Variants in CILK1 observed in about 807,000 individuals in gnomAD.
The protein encoded by CILK1 is ciliogenesis associated kinase 1, also known as serine/threonine-protein kinase ICK.
A neutral mutation model predicts 79.2 loss-of-function variants in CILK1; 47 were observed. The ratio of observed to expected loss-of-function variants is 0.59; its 90% CI spans 0.47 to 0.76. CILK1 has a LOEUF of 0.76. Ranked by LOEUF, CILK1 falls within the 30% of genes least tolerant of loss-of-function variation. The pLI is 0.00. For missense variants in CILK1, 660 were observed against 769.5 expected (o/e 0.86, Z 1.68); for synonymous variants, 266 against 275.9 (o/e 0.96, Z 0.36).
chr6:53,005,620 C>T (rs1229586097), intron 13 of CILK1, among the ~76,000 whole-genome samples: 10 of 152,130 alleles, frequency 6.6e-5, no homozygotes, highest in Admixed American at 5.9e-4. Flanking sequence ...CACGCTGGCC[C>T]AAGCTAGCAT....
chr6:53,049,604 T>C (rs1767340622), intron 1 of CILK1, among the ~76,000 whole-genome samples: 1 of 152,216 alleles, frequency 6.6e-6, no homozygotes, highest in African/African-American at 2.4e-5. Flanking sequence ...GGATTCCACT[T>C]TGCATGACAA....
chr6:53,045,830 CA>C (rs200914621), intron 1 of CILK1, among the ~76,000 whole-genome samples: 23,709 of 119,794 alleles, frequency 0.2, 2,416 homozygotes, highest in Admixed American at 0.34. Flanking sequence ...CTTGATTTGT[CA>C]AAAAAAAAAA....
chr6:53,032,287 G>A (rs1480257949), intron 4 of CILK1, among the ~76,000 whole-genome samples: 2 of 151,976 alleles, frequency 1.3e-5, no homozygotes, highest in Non-Finnish European at 2.9e-5. Context: ...AAGGATTGGA[G>A]AAAAAATCAG....
intron 3 of CILK1, among the ~76,000 whole-genome samples, chr6:53,036,836 TCTTCTCA>T (rs1353784332): frequency 6.6e-6 from 1 of 152,210 alleles, no homozygotes; most frequent in Non-Finnish European, 1.5e-5. Context: ...AGAATATCAT[TCTTCTCA>T]CTGGAAGACC....
Position 53,034,711 on chromosome 6 carries a change from G to T in CILK1, c.157-2057C>A, listed in dbSNP as rs575515960. On this transcript the variant is annotated intron_variant, in intron 3 of 13. Transcript: ENST00000676107. ...TCTTAAGAGGCAAACAACCTAATTG[G>T]AAAGTCAGGACATGGATACAAAATA... 8.5e-5 allele frequency among the ~76,000 whole-genome samples: 13 copies of T among 152,310 alleles called. No individual in the cohort carries two copies. The South Asian group carries it at 2.3e-3, about 27-fold the overall frequency.
intron 5 of CILK1, among the ~76,000 whole-genome samples, chr6:53,025,055 A>G (rs1172878071): frequency 6.6e-6 from 1 of 151,562 alleles, no homozygotes; most frequent in East Asian, 1.9e-4. Context: ...CTGGTCTCCA[A>G]CTCCTGGCCT....
chr6:53,022,723 T>C (rs1765323103), intron 5 of CILK1, among the ~76,000 whole-genome samples: 1 of 152,264 alleles, frequency 6.6e-6, no homozygotes, highest in Non-Finnish European at 1.5e-5. Flanking sequence ...GAGTTTCGCT[T>C]CTTCCATTAT....
At chr6:53,036,492 T>C (rs1004594217) in intron 3 of CILK1, among the ~76,000 whole-genome samples, 20 of 152,220 alleles carry the variant, frequency 1.3e-4, no homozygotes, top group Non-Finnish European at 2.9e-4. Context: ...CTCAGCTCAC[T>C]GCAACCTCCA....
intron 5 of CILK1, among the ~76,000 whole-genome samples, chr6:53,021,334 CG>C (rs939221768): frequency 3.1e-5 from 2 of 65,196 alleles, no homozygotes; most frequent in African/African-American, 6.2e-5. Context: ...TGGAGCGGCG[CG>C]GGGGGGTTGG....
intron 9 of CILK1, 72 bp from the exon 10 acceptor site, chr6:53,012,299 C>A: frequency 7.1e-7 from 1 of 1,418,218 alleles, no homozygotes; most frequent in East Asian, 2.3e-5. Context: ...TAATCTCCAT[C>A]TGAACTTTCT....
intron 1 of CILK1, among the ~76,000 whole-genome samples, chr6:53,053,521 T>C (rs1379731475): frequency 1.3e-5 from 2 of 152,168 alleles, no homozygotes; most frequent in Non-Finnish European, 2.9e-5. Flanking sequence ...TTATCCCTAT[T>C]TTACAGAGAA....
rs1312493523 is a variant in CILK1, at chr6:53,003,306, G to A, written c.*1843C>T. On this transcript the variant is annotated 3_prime_UTR_variant, in exon 14 of 14. Transcript: ENST00000676107. ...AGCATAAATTACTCTCCGATTTTAG[G>A]TTAGGGCCCTTTGGAAGCCATGGTT... 1.3e-5 allele frequency: 2 copies of A among 152,292 alleles called. No individual in the cohort carries two copies. The highest frequency in any genetic ancestry group is 4.8e-5 in the African/African-American group (2 of 41,416). The allele number at this position is 152,292 out of a possible 1,614,324, so 9.4% of individuals were successfully genotyped here. A position where few individuals can be genotyped will look rare whatever the true frequency, so the allele number is the denominator to read the frequency against.
At chr6:53,052,997 T>C (rs1220241303) in intron 1 of CILK1, among the ~76,000 whole-genome samples, 1 of 147,840 alleles carries the variant, frequency 6.8e-6, no homozygotes, top group East Asian at 2.0e-4. Flanking sequence ...TTTTACTGGA[T>C]GAAAAATATT....
At chr6:53,012,340 A>T in intron 9 of CILK1, 113 bp from the exon 10 acceptor site, 1 of 919,682 alleles carries the variant, frequency 1.1e-6, no homozygotes, top group Non-Finnish European at 1.7e-6. Context: ...CTGGGGCATA[A>T]CATTGCTTAT....
chr6:53,032,043 G>A (rs1005530549), intron 4 of CILK1, among the ~76,000 whole-genome samples: 2 of 152,184 alleles, frequency 1.3e-5, no homozygotes, highest in African/African-American at 4.8e-5. Flanking sequence ...ATGTTGATGA[G>A]GCTGGTCGTG....
intron 12 of CILK1, among the ~76,000 whole-genome samples, 193 bp downstream of exon 12, chr6:53,009,246 C>A (rs1764416785): frequency 6.6e-6 from 1 of 152,220 alleles, no homozygotes; most frequent in African/African-American, 2.4e-5. Context: ...AGGCAGACTC[C>A]CCTGGGAGCT....
At chr6:53,039,919 T>A (rs958735074) in intron 2 of CILK1, among the ~76,000 whole-genome samples, 1 of 152,026 alleles carries the variant, frequency 6.6e-6, no homozygotes, top group Non-Finnish European at 1.5e-5. Flanking sequence ...AAATATTACG[T>A]AAAATTGACA....
At position 53,013,996 on chromosome 6, in the gene CILK1, T is replaced by C. The variant is rs757643990; in HGVS notation, c.832-14A>G. 8 of 1,606,704 alleles carry C rather than the reference T, an allele frequency of 5.0e-6. No homozygotes were observed. In the East Asian group the frequency reaches 1.6e-4, roughly 31 times the overall value. On this transcript the variant is annotated splice_polypyrimidine_tract_variant and intron_variant, in intron 8 of 13. Transcript: ENST00000676107. ...ATATCGAAGTGCCTGGAATGACAAA[T>C]AAGGCTTTAGGAGAAAAGTCTAGCC...
chr6:53,013,546 C>T (rs1764708288), intron 9 of CILK1, 116 bp downstream of exon 9: 4 of 991,412 alleles, frequency 4.0e-6, no homozygotes, highest in African/African-American at 3.2e-5. Flanking sequence ...CTGTTGCAAA[C>T]ATAAATCTAC....
Sources: allele counts gnomAD v4.1 joint callset (sites outside exome capture counted in the v4.1 genomes callset), GRCh38; gene constraint gnomAD v4.1.1; transcripts MANE v1.5; gene names NCBI Gene and HGNC (gene_info 2026-07-23, HGNC 2026-07-21).